Variants in C7orf78 observed in about 807,000 individuals in gnomAD.
C7orf78 encodes chromosome 7 open reading frame 78.
the C7orf78 span, among the ~76,000 whole-genome samples, chr7:12,512,147 G>C: frequency 2.0e-5 from 3 of 151,838 alleles, no homozygotes; most frequent in Non-Finnish European, 2.9e-5. Flanking sequence ...ATATAAAATA[G>C]AATTTGACTT....
At chr7:12,516,981 A>T in the C7orf78 span, among the ~76,000 whole-genome samples, 1 of 152,128 alleles carries the variant, frequency 6.6e-6, no homozygotes, top group Non-Finnish European at 1.5e-5. Flanking sequence ...GAAATGAGTT[A>T]AGACTTTGGG....
the C7orf78 span, among the ~76,000 whole-genome samples, chr7:12,490,875 T>A: frequency 3.9e-5 from 6 of 152,066 alleles, no homozygotes; most frequent in Non-Finnish European, 8.8e-5. Flanking sequence ...TATCTTCAGA[T>A]TTGCATTGCT....
At chr7:12,489,362 C>T in the C7orf78 span, among the ~76,000 whole-genome samples, 15 of 152,056 alleles carry the variant, frequency 9.9e-5, no homozygotes, top group Non-Finnish European at 2.1e-4. Flanking sequence ...AAAACATTAA[C>T]GGAAACAGAA....
the C7orf78 span, among the ~76,000 whole-genome samples, chr7:12,518,622 G>A: frequency 6.6e-6 from 1 of 152,140 alleles, no homozygotes; most frequent in African/African-American, 2.4e-5. Context: ...GGATAAAATA[G>A]ATGGTATAGG....
the C7orf78 span, among the ~76,000 whole-genome samples, chr7:12,498,636 T>C: frequency 6.6e-6 from 1 of 152,136 alleles, no homozygotes; most frequent in Non-Finnish European, 1.5e-5. Context: ...ACCAGGAGAA[T>C]GGAACCGAGT....
At chr7:12,525,335 C>T in the C7orf78 span, among the ~76,000 whole-genome samples, 92,545 of 151,880 alleles carry the variant, frequency 0.61, 29,530 homozygotes, top group African/African-American at 0.81. Flanking sequence ...TATAAAAAAA[C>T]AGTAACTCTC....
the C7orf78 span, among the ~76,000 whole-genome samples, chr7:12,539,292 A>G: frequency 1.3e-5 from 2 of 152,004 alleles, no homozygotes; most frequent in African/African-American, 4.8e-5. Context: ...GTGAAACCCC[A>G]TCTCTACTAA....
chr7:12,533,470 G>C, the C7orf78 span, among the ~76,000 whole-genome samples: 1 of 151,138 alleles, frequency 6.6e-6, no homozygotes, highest in East Asian at 1.9e-4. Context: ...AAAAGTGCTG[G>C]GATTACAGGT....
the C7orf78 span, among the ~76,000 whole-genome samples, chr7:12,519,931 A>G: frequency 1.5e-4 from 23 of 152,216 alleles, no homozygotes; most frequent in Admixed American, 1.3e-4. Flanking sequence ...GTAGCCACTT[A>G]GATCTCAGGA....
chr7:12,539,948 G>C, the C7orf78 span, among the ~76,000 whole-genome samples: 1 of 152,194 alleles, frequency 6.6e-6, no homozygotes, highest in South Asian at 2.1e-4. Context: ...AGGCCTGAAG[G>C]TGCTTTCCTG....
the C7orf78 span, among the ~76,000 whole-genome samples, chr7:12,495,159 G>C: frequency 6.6e-6 from 1 of 152,178 alleles, no homozygotes; most frequent in East Asian, 1.9e-4. Context: ...TTCATCCGGG[G>C]GATATTAAAA....
At chr7:12,497,573 C>T in the C7orf78 span, among the ~76,000 whole-genome samples, 2 of 152,310 alleles carry the variant, frequency 1.3e-5, no homozygotes, top group South Asian at 4.1e-4. Flanking sequence ...GCACCCGGCT[C>T]GGAGGGTCCT....
At chr7:12,511,918 A>ATTTTTT in the C7orf78 span, among the ~76,000 whole-genome samples, 17 of 80,560 alleles carry the variant, frequency 2.1e-4, no homozygotes, top group African/African-American at 3.0e-4. Flanking sequence ...CACCTGGCTA[A>ATTTTTT]TTTTTTTTTT....
At chr7:12,508,344 G>T in the C7orf78 span, among the ~76,000 whole-genome samples, 1 of 151,680 alleles carries the variant, frequency 6.6e-6, no homozygotes, top group South Asian at 2.1e-4. Context: ...AAGTTTCTAA[G>T]TTTTTTTTAA....
At chr7:12,484,779 T>G in the C7orf78 span, among the ~76,000 whole-genome samples, 1 of 152,170 alleles carries the variant, frequency 6.6e-6, no homozygotes, top group Non-Finnish European at 1.5e-5. Flanking sequence ...TACTTTTTTC[T>G]GATTCTTTGG....
At chr7:12,506,285 T>C in the C7orf78 span, among the ~76,000 whole-genome samples, 1 of 152,192 alleles carries the variant, frequency 6.6e-6, no homozygotes, top group African/African-American at 2.4e-5. Context: ...AGTGATCCCA[T>C]TACTGGATAT....
At chr7:12,534,523 C>T in the C7orf78 span, among the ~76,000 whole-genome samples, 9 of 152,192 alleles carry the variant, frequency 5.9e-5, no homozygotes, top group Middle Eastern at 6.8e-3. Flanking sequence ...TGTTAAAATA[C>T]ATCATTAGGA....
At chr7:12,505,550 T>A in the C7orf78 span, among the ~76,000 whole-genome samples, 6 of 152,124 alleles carry the variant, frequency 3.9e-5, no homozygotes, top group African/African-American at 1.2e-4. Flanking sequence ...TATACTATCT[T>A]AGGTGGAGAA....
At chr7:12,518,627 T>C in the C7orf78 span, among the ~76,000 whole-genome samples, 7 of 151,966 alleles carry the variant, frequency 4.6e-5, no homozygotes, top group Non-Finnish European at 7.4e-5. Flanking sequence ...AAATAGATGG[T>C]ATAGGTGGTG....
Sources: allele counts gnomAD v4.1 joint callset (sites outside exome capture counted in the v4.1 genomes callset), GRCh38; gene constraint gnomAD v4.1.1; transcripts MANE v1.5; gene names NCBI Gene and HGNC (gene_info 2026-07-23, HGNC 2026-07-21).